LGALS9: variants seen among roughly 807,000 people sequenced by gnomAD.
The protein encoded by LGALS9 is galectin-9.
LGALS9 carries 26 observed loss-of-function variants against 35.9 expected under a neutral mutation model. The ratio of observed to expected loss-of-function variants is 0.72; its 90% CI spans 0.53 to 1.01. The LOEUF (loss-of-function observed/expected upper bound fraction) is 1.01. Among genes scored for constraint, LGALS9 ranks in the 50% least tolerant of loss-of-function variants. The pLI, the probability that LGALS9 is intolerant of heterozygous loss-of-function variation, is 0.00. For missense variants in LGALS9, 347 were observed against 445.8 expected, an observed-to-expected ratio of 0.78 and a Z score of 1.99; for synonymous variants, 149 against 172.2, an observed-to-expected ratio of 0.87 and a Z score of 1.06.
intron 5 of LGALS9, chr17:27,644,355 G>C (rs1376208485): frequency 6.5e-6 from 1 of 152,816 alleles, no homozygotes; most frequent in Non-Finnish European, 1.5e-5. Context: ...CATTGTAACT[G>C]TATTTGCGTG....
Position 27,645,890 on chromosome 17 carries a change from C to T in LGALS9, c.606C>T (p.Ser202=), listed in dbSNP as rs1201505424. Residue 202 remains serine (S), a synonymous_variant, in exon 7 of 11, where the codon AGC becomes AGT. Coordinates refer to ENST00000395473, the MANE Select transcript of LGALS9 (RefSeq NM_009587.3). ...AGACAGTCATCCACACAGTGCAGAG[C>T]GCCCCTGGACAGATGTTCTCTGTAA... The part of the protein sequence containing the change: ...ITQTVIHTVQ[S]APGQMFSTPA... 1.3e-5 allele frequency: 20 copies of T among 1,591,428 alleles called. No homozygotes were observed. Among genetic ancestry groups the T allele is most frequent in the South Asian group, 6.7e-5 (6 of 90,040 alleles).
chr17:27,631,242 G>A lies in LGALS9; in HGVS notation c.-24G>A, dbSNP rs755145182. 2.2e-5 allele frequency: 35 copies of A among 1,614,028 alleles called. No homozygotes were observed. Among genetic ancestry groups the A allele is most frequent in the Middle Eastern group, 1.6e-4 (1 of 6,084 alleles). On this transcript the variant is annotated 5_prime_UTR_variant, in exon 1 of 11. Transcript: ENST00000395473. ...CTTCCTAGTGGGTGTGAAAGGCAGC[G>A]GTGGCCACAGAGGCGGCGGAGAGAT... is the stretch of plus-strand genomic sequence containing the variant.
At chr17:27,631,396 G>C in intron 1 of LGALS9, 92 bp downstream of exon 1, 1 of 1,531,130 alleles carries the variant, frequency 6.5e-7, no homozygotes, top group Non-Finnish European at 9.0e-7. Flanking sequence ...GGCAGGGGAT[G>C]GGGGTGGGGG....
At chr17:27,634,227 G>A (rs373392621) in intron 1 of LGALS9, among the ~76,000 whole-genome samples, 80 of 152,318 alleles carry the variant, frequency 5.3e-4, no homozygotes, top group African/African-American at 1.7e-3. Context: ...GCAGGCCTTG[G>A]CTTATGACCC....
chr17:27,647,858 C>A (rs564066285), intron 10 of LGALS9, among the ~76,000 whole-genome samples: 4 of 152,308 alleles, frequency 2.6e-5, no homozygotes, highest in Admixed American at 6.5e-5. Flanking sequence ...GGGGAAAGAA[C>A]AAGGAAAGTA....
chr17:27,633,735 G>A (rs761222737), intron 1 of LGALS9, among the ~76,000 whole-genome samples: 63 of 152,354 alleles, frequency 4.1e-4, no homozygotes, highest in Middle Eastern at 6.8e-3. Flanking sequence ...TGTCTGACAT[G>A]AGCCAGGGGC....
intron 2 of LGALS9, among the ~76,000 whole-genome samples, chr17:27,639,002 T>G (rs1462059015): frequency 3.3e-5 from 5 of 152,126 alleles, no homozygotes; most frequent in Non-Finnish European, 1.5e-5. Flanking sequence ...AGCTCTCTCC[T>G]GGTTTAGTGG....
intron 1 of LGALS9, among the ~76,000 whole-genome samples, chr17:27,635,751 A>G (rs2074442692): frequency 6.6e-6 from 1 of 152,034 alleles, no homozygotes; most frequent in African/African-American, 2.4e-5. Flanking sequence ...GAGGGTGTGT[A>G]TTTTCAGTGT....
chr17:27,631,451 C>A, intron 1 of LGALS9, 147 bp downstream of exon 1: 3 of 1,081,142 alleles, frequency 2.8e-6, no homozygotes, highest in Non-Finnish European at 2.7e-6. Flanking sequence ...CAGAGGAGGT[C>A]ATCCTGGCAC....
intron 1 of LGALS9, among the ~76,000 whole-genome samples, chr17:27,637,858 G>A (rs956133929): frequency 2.6e-5 from 4 of 152,096 alleles, no homozygotes; most frequent in Non-Finnish European, 5.9e-5. Context: ...TGGGAGCTTA[G>A]CATGGGGTCC....
intron 4 of LGALS9, 179 bp downstream of exon 4, chr17:27,642,527 TTC>T (rs1283517451): frequency 3.0e-5 from 35 of 1,169,508 alleles, no homozygotes; most frequent in Non-Finnish European, 1.2e-6. Flanking sequence ...CTGCCCCTCC[TTC>T]TGTGTTACTG....
At chr17:27,641,864 C>T (rs1175313111) in intron 3 of LGALS9, among the ~76,000 whole-genome samples, 3 of 151,904 alleles carry the variant, frequency 2.0e-5, no homozygotes, top group Admixed American at 2.0e-4. Context: ...ATCCCAGCTA[C>T]TCGGGAGGCT....
At chr17:27,641,901 G>A (rs1235822840) in intron 3 of LGALS9, among the ~76,000 whole-genome samples, 3 of 151,862 alleles carry the variant, frequency 2.0e-5, no homozygotes, top group Non-Finnish European at 2.9e-5. Flanking sequence ...TTGACCCACT[G>A]CACTCCAGCC....
rs1905139640 is a variant in LGALS9, at chr17:27,649,105, C to T, written c.*123C>T. The T allele has an allele frequency of 6.8e-7, 1 of 1,473,842 alleles. No homozygotes were observed. Among genetic ancestry groups the T allele is most frequent in the Admixed American group, 1.9e-5 (1 of 54,002 alleles). 91.3% of individuals were successfully genotyped at this position (1,473,842 alleles called of 1,614,324 possible). A position where few individuals can be genotyped will look rare whatever the true frequency, so the allele number is the denominator to read the frequency against. On this transcript the variant is annotated 3_prime_UTR_variant, in exon 11 of 11. Transcript: ENST00000395473. Reference sequence around the variant, plus strand: ...GGGATCTGGGCTTTAATGCAGAGGCCATGTCCTTGTCTGGTCCTGCTTCTG... The same window carrying T: ...GGGATCTGGGCTTTAATGCAGAGGCTATGTCCTTGTCTGGTCCTGCTTCTG...
chr17:27,646,481 G>A, intron 7 of LGALS9, 66 bp from the exon 8 acceptor site: 1 of 1,610,452 alleles, frequency 6.2e-7, no homozygotes, highest in Non-Finnish European at 8.5e-7. Flanking sequence ...ACGCGTGGGT[G>A]CGCCTGGGTG....
At chr17:27,634,532 A>G (rs1336558105) in intron 1 of LGALS9, among the ~76,000 whole-genome samples, 1 of 152,216 alleles carries the variant, frequency 6.6e-6, no homozygotes, top group Non-Finnish European at 1.5e-5. Flanking sequence ...AGCCTGGCTG[A>G]CAGAATGAGA....
At chr17:27,632,850 G>A (rs577649426) in intron 1 of LGALS9, among the ~76,000 whole-genome samples, 111 of 152,314 alleles carry the variant, frequency 7.3e-4, no homozygotes, top group African/African-American at 2.6e-3. Context: ...GGACAATTAA[G>A]CCTCACTTGG....
At chr17:27,645,414 A>G (rs1904859527) in intron 6 of LGALS9, 65 bp downstream of exon 6, 15 of 1,601,076 alleles carry the variant, frequency 9.4e-6, no homozygotes, top group East Asian at 9.0e-5. Context: ...TGGAGGAGGC[A>G]GGGCCAGGCA....
chr17:27,640,449 C>T (rs1228834803), intron 2 of LGALS9, 123 bp from the exon 3 acceptor site: 2 of 1,399,204 alleles, frequency 1.4e-6, no homozygotes, highest in African/African-American at 1.4e-5. Context: ...ACAAAGCAGT[C>T]TCTGCCATAC....
Sources: gnomAD v4.1 joint callset for allele counts (sites outside exome capture counted in the v4.1 genomes callset) on GRCh38, gnomAD v4.1.1 for gene constraint, MANE v1.5 for transcripts, NCBI Gene and HGNC (gene_info 2026-07-23, HGNC 2026-07-21) for gene names.